RPL27A: variants seen among roughly 807,000 people sequenced by gnomAD.
The protein encoded by RPL27A is ribosomal protein L27a.
For missense variants in RPL27A, 118 were observed against 189.4 expected (o/e 0.62, Z 2.21); for synonymous variants, 69 against 68.3 (o/e 1.01, Z -0.05).
In RPL27A at chr11:8,685,992, A is replaced by T. The variant is rs935706324; in HGVS notation, c.*186A>T. On this transcript the variant is annotated 3_prime_UTR_variant, in exon 5 of 5. Transcript: ENST00000314138. ...TATGGTAAACGTAAGACCAACACAG[A>T]CGTTGGCCAGTTAAACATTTCTGTT... 1.7e-5 allele frequency: 10 copies of T among 584,212 alleles called. No homozygotes were observed. Among genetic ancestry groups the T allele is most frequent in the African/African-American group, 7.5e-5 (4 of 53,642 alleles). 36.2% of individuals were successfully genotyped at this position (584,212 alleles called of 1,614,324 possible).
At chr11:8,683,815 T>C (rs980013425) in intron 2 of RPL27A, 191 bp from the exon 3 acceptor site, 5 of 605,446 alleles carry the variant, frequency 8.3e-6, no homozygotes, top group Middle Eastern at 4.3e-4. Context: ...GTAGCTGATA[T>C]TACAGGTGTG....
At chr11:8,683,044 G>T in intron 1 of RPL27A, 158 bp from the exon 2 acceptor site, 1 of 864,108 alleles carries the variant, frequency 1.2e-6, no homozygotes, top group Non-Finnish European at 1.8e-6. Flanking sequence ...CTACCGTGGT[G>T]AGACCTCACG....
intron 3 of RPL27A, chr11:8,684,386 A>G (rs746693463): frequency 6.9e-6 from 5 of 719,698 alleles, no homozygotes; most frequent in African/African-American, 6.9e-5. Flanking sequence ...AAACTAGTGG[A>G]TGATAAATTT....
In RPL27A at chr11:8,687,073, G is replaced by C. The variant is rs1207837122; in HGVS notation, c.*1267G>C. ...GAAGGCACAGAGAAGCACTGAATTG[G>C]CTTACATAAGAATAGGCTAGAATTA... On this transcript the variant is annotated 3_prime_UTR_variant, in exon 5 of 5. Coordinates refer to ENST00000314138, the MANE Select transcript of RPL27A (RefSeq NM_000990.5). 3 of 152,174 alleles carry C rather than the reference G, an allele frequency of 2.0e-5. No individual in the cohort carries two copies. Among genetic ancestry groups the C allele is most frequent in the African/African-American group, 7.2e-5 (3 of 41,428 alleles). The allele number at this position is 152,174 out of a possible 1,614,324, so 9.4% of individuals were successfully genotyped here. A position where few individuals can be genotyped will look rare whatever the true frequency, so the allele number is the denominator to read the frequency against.
intron 4 of RPL27A, chr11:8,685,292 G>A (rs1467060980): frequency 2.1e-6 from 1 of 472,654 alleles, no homozygotes; most frequent in African/African-American, 2.0e-5. Context: ...GAATATAGAG[G>A]TAGTGTTAAG....
rs1261453334 is a variant in RPL27A, at chr11:8,685,993, C to T, written c.*187C>T. On this transcript the variant is annotated 3_prime_UTR_variant, in exon 5 of 5. Transcript: ENST00000314138. The stretch of plus-strand genomic sequence containing the variant: ...ATGGTAAACGTAAGACCAACACAGA[C>T]GTTGGCCAGTTAAACATTTCTGTTT... 31 of 579,974 alleles carry T rather than the reference C, an allele frequency of 5.3e-5. No homozygotes were observed. The East Asian group carries it at 5.8e-4, about 11-fold the overall frequency. 35.9% of individuals were successfully genotyped at this position (579,974 alleles called of 1,614,324 possible).
rs1195974893 is a variant in RPL27A at position 8,688,338 on chromosome 11, A to G, written c.*2532A>G. 6.6e-6 allele frequency: 1 copy of G among 152,164 alleles called. No individual in the cohort carries two copies. The highest frequency in any genetic ancestry group is 1.5e-5 in the Non-Finnish European group (1 of 68,038). 9.4% of individuals were successfully genotyped at this position (152,164 alleles called of 1,614,324 possible). A position where few individuals can be genotyped will look rare whatever the true frequency, so the allele number is the denominator to read the frequency against. On this transcript the variant is annotated 3_prime_UTR_variant, in exon 5 of 5. Transcript: ENST00000314138. ...TCCCCAGGAGTTGTTAGGCCATCCG[A>G]TCCCCTGGCCTGGGAAAGAAACACT...
chr11:8,687,389 T>TCACCCC lies in RPL27A; in HGVS notation c.*1584_*1585insACCCCC, dbSNP rs1555082943. The TCACCCC allele has an allele frequency of 9.9e-6, 1 of 100,804 alleles. No homozygotes were observed. The highest frequency in any genetic ancestry group is 2.2e-5 in the Non-Finnish European group (1 of 45,800). The allele number at this position is 100,804 out of a possible 1,614,324, so 6.2% of individuals were successfully genotyped here. ...CTTGGGCAACAAGAGTGAAACTCTG[T>TCACCCC]CCACCCCCCCCAAAAAAAGTAAGGG... On this transcript the variant is annotated 3_prime_UTR_variant, in exon 5 of 5. Coordinates refer to ENST00000314138, the MANE Select transcript of RPL27A (RefSeq NM_000990.5).
At chr11:8,684,160 T>C (rs1468460164) in intron 3 of RPL27A, 79 bp downstream of exon 3, 2 of 1,198,748 alleles carry the variant, frequency 1.7e-6, no homozygotes, top group East Asian at 2.3e-5. Flanking sequence ...ACAAAAAGTT[T>C]AGAAGCAAGC....
Position 8,689,193 on chromosome 11 carries a change from A to G in RPL27A, c.*3387A>G, listed in dbSNP as rs2039615966. 6.6e-6 allele frequency: 1 copy of G among 152,270 alleles called. No individual in the cohort carries two copies. The highest frequency in any genetic ancestry group is 1.5e-5 in the Non-Finnish European group (1 of 68,062). The allele number at this position is 152,270 out of a possible 1,614,324, so 9.4% of individuals were successfully genotyped here. On this transcript the variant is annotated 3_prime_UTR_variant, in exon 5 of 5. Coordinates refer to ENST00000314138, the MANE Select transcript of RPL27A (RefSeq NM_000990.5). ...TCCCCTTCGAAGCGGAGGAATGGCC[A>G]ACCTCGCCGCACTTCGAGCCCCTTT...
chr11:8,683,321 A>G (rs561080216), intron 2 of RPL27A, 56 bp downstream of exon 2: 2 of 1,470,856 alleles, frequency 1.4e-6, no homozygotes, highest in East Asian at 2.3e-5. Flanking sequence ...GTGCTTAGCT[A>G]GTCTGGAGAT....
rs2039580963 is a variant in RPL27A at position 8,685,711 on chromosome 11, C to T, written c.352C>T (p.Pro118Ser). 6.2e-7 allele frequency: 1 copy of T among 1,614,150 alleles called. No individual in the cohort carries two copies. The highest frequency in any genetic ancestry group is 8.5e-7 in the Non-Finnish European group (1 of 1,180,010). The change falls in exon 5 of 5, where the codon CCA (proline) becomes TCA (serine). Residue 118 changes from proline (P) to serine (S), a missense_variant. Coordinates refer to ENST00000314138, the MANE Select transcript of RPL27A (RefSeq NM_000990.5). Reference protein sequence around the residue: ...YYKVLGKGKLPKQPVIVKAKF... With the variant: ...YYKVLGKGKLSKQPVIVKAKF... ...CAAAGTTCTGGGAAAGGGAAAGCTC[C>T]CAAAGCAGCCTGTCATCGTGAAGGC...
chr11:8,682,904 C>A, intron 1 of RPL27A, 88 bp downstream of exon 1: 1 of 1,483,462 alleles, frequency 6.7e-7, no homozygotes, highest in Non-Finnish European at 9.1e-7. Context: ...CACTCCCTAC[C>A]ATGGTCGGGG....
At position 8,684,010 on chromosome 11, in the gene RPL27A, G is replaced by A. The variant is rs200294435; in HGVS notation, c.72G>A (p.Lys24=). The change falls in exon 3 of 5, where the codon AAG becomes AAA. Residue 24 remains lysine (K), a synonymous_variant. Coordinates refer to ENST00000314138, the MANE Select transcript of RPL27A (RefSeq NM_000990.5). ...HVSHGHGRIG[K]HRKHPGGRGN... is the part of the protein sequence containing the mutation. ...CGTAGCTTTGTATTCCTGCAGGCAA[G>A]CACCGGAAGCACCCCGGCGGCCGCG... 12 of 1,611,694 alleles carry A rather than the reference G, an allele frequency of 7.4e-6. No homozygotes were observed. In the Admixed American group the frequency reaches 1.5e-4, roughly 20 times the overall value.
intron 4 of RPL27A, 52 bp from the exon 5 acceptor site, chr11:8,685,626 G>A (rs2039580108): frequency 4.4e-6 from 7 of 1,602,610 alleles, no homozygotes; most frequent in South Asian, 3.3e-5. Context: ...CGCCCATCAC[G>A]CAGTTGGTAC....
At chr11:8,683,832 G>C (rs1258811011) in intron 2 of RPL27A, 174 bp from the exon 3 acceptor site, 1 of 627,662 alleles carries the variant, frequency 1.6e-6, no homozygotes, top group South Asian at 1.7e-5. Flanking sequence ...TGTGCGCCAC[G>C]ACGCCCGGCT....
In RPL27A at chr11:8,687,926, CTTAA is replaced by C. The variant is rs1394677108; in HGVS notation, c.*2123_*2126del. ...TGAGCCACCGCGCCCGGCCCAGGCA[CTTAA>C]TTTTTGTGTTTGACTTAGTAACTTA... On this transcript the variant is annotated 3_prime_UTR_variant, in exon 5 of 5. Coordinates refer to ENST00000314138, the MANE Select transcript of RPL27A (RefSeq NM_000990.5). 6.6e-6 allele frequency: 1 copy of C among 151,834 alleles called. No individual in the cohort carries two copies. The highest frequency in any genetic ancestry group is 1.5e-5 in the Non-Finnish European group (1 of 67,998). The allele number at this position is 151,834 out of a possible 1,614,324, so 9.4% of individuals were successfully genotyped here.
chr11:8,684,412 C>T (rs2133616065), intron 3 of RPL27A: 2 of 715,402 alleles, frequency 2.8e-6, no homozygotes, highest in South Asian at 1.4e-5. Flanking sequence ...ATTCAGAAGA[C>T]GTTTATTATA....
chr11:8,685,359 G>C, intron 4 of RPL27A: 1 of 570,468 alleles, frequency 1.8e-6, no homozygotes, highest in South Asian at 1.4e-5. Context: ...AATGTCCATT[G>C]AGTAGTTCTG....
Sources: allele counts gnomAD v4.1 joint callset, GRCh38; gene constraint gnomAD v4.1.1; transcripts MANE v1.5; gene names NCBI Gene and HGNC (gene_info 2026-07-23, HGNC 2026-07-21).